The following RNF187 variants were observed in gnomAD, a reference collection of about 807,000 sequenced individuals.
The protein encoded by RNF187 is E3 ubiquitin-protein ligase RNF187.
In RNF187, 18 loss-of-function variants were observed where a neutral mutation model predicts 22.2. The ratio of observed to expected loss-of-function variants is 0.81; its 90% CI spans 0.56 to 1.20. The LOEUF is 1.20. RNF187 is among the 50% of genes most tolerant of loss of function. The probability of loss-of-function intolerance (pLI) is 0.00; values close to 1 mark genes in which losing one functional copy is unlikely to be tolerated. For synonymous variants in RNF187, 164 were observed against 140.9 expected (o/e 1.16, Z -1.16); for missense variants, 329 against 317.6 (o/e 1.04, Z -0.27).
In RNF187 at chr1:228,495,150, C is replaced by T; in HGVS notation, c.*1265C>T. On this transcript the variant is annotated 3_prime_UTR_variant, in exon 4 of 4. Transcript: ENST00000305943. ...GGGCCTGGGGGGAGATGGGGCTCCA[C>T]CCCGACGTAGCAGGGCAGGGGTTGG... 5 of 563,980 alleles carry T rather than the reference C, an allele frequency of 8.9e-6. No individual in the cohort carries two copies. Among genetic ancestry groups the T allele is most frequent in the Non-Finnish European group, 6.7e-6 (3 of 444,976 alleles). The allele number at this position is 563,980 out of a possible 1,614,324, so 34.9% of individuals were successfully genotyped here.
Position 228,494,203 on chromosome 1 carries a change from GC to G in RNF187, c.*322del. 7.5e-7 allele frequency: 1 copy of G among 1,334,752 alleles called. No homozygotes were observed. The highest frequency in any genetic ancestry group is 9.6e-7 in the Non-Finnish European group (1 of 1,043,282). 82.7% of individuals were successfully genotyped at this position (1,334,752 alleles called of 1,614,324 possible). ...CATGCCCTTCCCTGGTCACCCATCT[GC>G]CCCTCACCTCGTCATCCAGGGACCC... is the stretch of plus-strand genomic sequence containing the variant. On this transcript the variant is annotated 3_prime_UTR_variant, in exon 4 of 4. Transcript: ENST00000305943.
chr1:228,487,399 G>C lies in RNF187; in HGVS notation c.-90G>C, dbSNP rs1658856221. ...TCCCCGGCGTTGGCGTCTTCGTCCT[G>C]TTGCTGGTCTCCGTCCGGTCGCCGG... On this transcript the variant is annotated 5_prime_UTR_variant, in exon 1 of 4. Transcript: ENST00000305943. 1 of 1,048,186 alleles carries C rather than the reference G, an allele frequency of 9.5e-7. No homozygotes were observed. Among genetic ancestry groups the C allele is most frequent in the Admixed American group, 5.6e-5 (1 of 17,758 alleles). The allele number at this position is 1,048,186 out of a possible 1,614,324, so 64.9% of individuals were successfully genotyped here. A position where few individuals can be genotyped will look rare whatever the true frequency, so the allele number is the denominator to read the frequency against.
Position 228,493,753 on chromosome 1 carries a change from T to C in RNF187, c.706-130T>C. The C allele has an allele frequency of 1.1e-5, 11 of 1,040,560 alleles. No individual in the cohort carries two copies. The highest frequency in any genetic ancestry group is 1.6e-5 in the Non-Finnish European group (11 of 686,830). 64.5% of individuals were successfully genotyped at this position (1,040,560 alleles called of 1,614,324 possible). A position where few individuals can be genotyped will look rare whatever the true frequency, so the allele number is the denominator to read the frequency against. ...GGGCCAGGCCCTGGGTTTGTTGTGC[T>C]CAGGACAGTACCTCATGCGCTGTCT... On this transcript the variant is annotated intron_variant, in intron 3 of 3. Coordinates refer to ENST00000305943, the MANE Select transcript of RNF187 (RefSeq NM_001010858.3). The surrounding 1 kb of genome is among the most constrained non-coding windows in gnomAD (Gnocchi z 4.7).
At position 228,487,701 on chromosome 1, in the gene RNF187, C is replaced by T; in HGVS notation, c.213C>T (p.Arg71=). 9.4e-7 allele frequency: 1 copy of T among 1,060,056 alleles called. No individual in the cohort carries two copies. The highest frequency in any genetic ancestry group is 4.2e-5 in the South Asian group (1 of 23,598). The allele number at this position is 1,060,056 out of a possible 1,614,324, so 65.7% of individuals were successfully genotyped here. The change falls in exon 1 of 4, where the codon CGC becomes CGT. Residue 71 remains arginine (R), a synonymous_variant. Transcript: ENST00000305943. ...CCGGCAGGCCCCCGCTCAGCCGCCG[C>T]CTTCTGGCGCTCGAGGAGGCGGCCG...
At chr1:228,490,422 T>A in intron 2 of RNF187, among the ~76,000 whole-genome samples, 1 of 152,366 alleles carries the variant, frequency 6.6e-6, no homozygotes, top group African/African-American at 2.4e-5. Context: ...TGGAAGGCTT[T>A]GGGGACCTCC....
intron 1 of RNF187, 111 bp from the exon 2 acceptor site, chr1:228,488,849 C>A: frequency 1.2e-6 from 1 of 847,084 alleles, no homozygotes; most frequent in Non-Finnish European, 1.9e-6. Context: ...GAGGTTATCT[C>A]TGGGATGGTC....
At chr1:228,488,906 G>T in intron 1 of RNF187, 54 bp from the exon 2 acceptor site, 67 of 1,420,422 alleles carry the variant, frequency 4.7e-5, no homozygotes, top group Non-Finnish European at 5.6e-5. Context: ...TACTGGGCTG[G>T]GTTGGGGGAC....
chr1:228,490,491 G>C, intron 2 of RNF187, among the ~76,000 whole-genome samples: 2 of 152,244 alleles, frequency 1.3e-5, no homozygotes, highest in African/African-American at 4.8e-5. Flanking sequence ...GATTTTAGCA[G>C]GTTGGAGCTT....
At chr1:228,487,982 C>A in intron 1 of RNF187, 104 bp downstream of exon 1, 2 of 718,470 alleles carry the variant, frequency 2.8e-6, no homozygotes, top group Non-Finnish European at 1.7e-6. Flanking sequence ...CTCCACTGTT[C>A]CTGTCCCCGG....
At chr1:228,488,871 A>C in intron 1 of RNF187, 89 bp from the exon 2 acceptor site, 1 of 1,012,508 alleles carries the variant, frequency 9.9e-7, no homozygotes. Flanking sequence ...GACTGTGTGC[A>C]GTCAGCTGGG....
Position 228,495,001 on chromosome 1 carries a change from G to C in RNF187, c.*1116G>C. On this transcript the variant is annotated 3_prime_UTR_variant, in exon 4 of 4. Coordinates refer to ENST00000305943, the MANE Select transcript of RNF187 (RefSeq NM_001010858.3). ...TTGCTTCGTCTCCGTGTGTCCACCT[G>C]GCCTCTTCCCCCTGCCCTGGCCACC... The C allele has an allele frequency of 1.0e-6, 1 of 985,628 alleles. No homozygotes were observed. The highest frequency in any genetic ancestry group is 1.7e-5 in the African/African-American group (1 of 57,224). The allele number at this position is 985,628 out of a possible 1,614,324, so 61.1% of individuals were successfully genotyped here. A position where few individuals can be genotyped will look rare whatever the true frequency, so the allele number is the denominator to read the frequency against.
chr1:228,489,645 T>C, intron 2 of RNF187, among the ~76,000 whole-genome samples: 1 of 152,224 alleles, frequency 6.6e-6, no homozygotes, highest in African/African-American at 2.4e-5. Flanking sequence ...GCTCATTATT[T>C]TTTAGAGGCT....
chr1:228,491,397 A>AT, intron 2 of RNF187, among the ~76,000 whole-genome samples: 2 of 150,200 alleles, frequency 1.3e-5, no homozygotes, highest in Non-Finnish European at 3.0e-5. Flanking sequence ...CAAAAAAAAA[A>AT]AAAAAAAAAA....
chr1:228,490,026 A>T, intron 2 of RNF187, among the ~76,000 whole-genome samples: 1 of 151,770 alleles, frequency 6.6e-6, no homozygotes, highest in African/African-American at 2.4e-5. Flanking sequence ...AGTCGTTTAA[A>T]CTCTATTTGG....
At position 228,494,124 on chromosome 1, in the gene RNF187, C is replaced by G; in HGVS notation, c.*239C>G. On this transcript the variant is annotated 3_prime_UTR_variant, in exon 4 of 4. Coordinates refer to ENST00000305943, the MANE Select transcript of RNF187 (RefSeq NM_001010858.3). ...GGACCCTTCCCACCTGTGCCCGTCCCTTCCTGAAGTCCTAGCCACAGCCCA... is the reference window on the plus strand; with the variant it reads ...GGACCCTTCCCACCTGTGCCCGTCCGTTCCTGAAGTCCTAGCCACAGCCCA... 4.3e-5 allele frequency: 62 copies of G among 1,435,258 alleles called. 2 individuals are homozygous for G. The South Asian group carries it at 7.6e-4, about 18-fold the overall frequency. 88.9% of individuals were successfully genotyped at this position (1,435,258 alleles called of 1,614,324 possible).
chr1:228,494,475 C>T lies in RNF187; in HGVS notation c.*590C>T. The T allele has an allele frequency of 3.0e-6, 3 of 987,408 alleles. No homozygotes were observed. Among genetic ancestry groups the T allele is most frequent in the Non-Finnish European group, 3.6e-6 (3 of 831,146 alleles). The allele number at this position is 987,408 out of a possible 1,614,324, so 61.2% of individuals were successfully genotyped here. A position where few individuals can be genotyped will look rare whatever the true frequency, so the allele number is the denominator to read the frequency against. On this transcript the variant is annotated 3_prime_UTR_variant, in exon 4 of 4. Coordinates refer to ENST00000305943, the MANE Select transcript of RNF187 (RefSeq NM_001010858.3). ...GCCTTATCCAAGTCGCTCTGTCCAC[C>T]TCCCCCTTCCTGGCCCCCACCCCAC...
At position 228,494,210 on chromosome 1, in the gene RNF187, A is replaced by G; in HGVS notation, c.*325A>G. 1 of 1,303,888 alleles carries G rather than the reference A, an allele frequency of 7.7e-7. No homozygotes were observed. The highest frequency in any genetic ancestry group is 9.8e-7 in the Non-Finnish European group (1 of 1,025,096). The allele number at this position is 1,303,888 out of a possible 1,614,324, so 80.8% of individuals were successfully genotyped here. A position where few individuals can be genotyped will look rare whatever the true frequency, so the allele number is the denominator to read the frequency against. On this transcript the variant is annotated 3_prime_UTR_variant, in exon 4 of 4. Transcript: ENST00000305943. ...TTCCCTGGTCACCCATCTGCCCCTC[A>G]CCTCGTCATCCAGGGACCCAGACCC...
chr1:228,494,639 C>T lies in RNF187; in HGVS notation c.*754C>T. 12 of 985,650 alleles carry T rather than the reference C, an allele frequency of 1.2e-5. No individual in the cohort carries two copies. The East Asian group carries it at 1.3e-3, about 103-fold the overall frequency. 61.1% of individuals were successfully genotyped at this position (985,650 alleles called of 1,614,324 possible). A position where few individuals can be genotyped will look rare whatever the true frequency, so the allele number is the denominator to read the frequency against. ...TCCAGGCCCTGCCATCGTGTCTCAT[C>T]TTGCTGTTATCTCTAGCTCTTTCCC... is the stretch of plus-strand genomic sequence containing the variant. On this transcript the variant is annotated 3_prime_UTR_variant, in exon 4 of 4. Transcript: ENST00000305943.
rs1183115464 is a variant in RNF187 at position 228,487,850 on chromosome 1, C to G, written c.362C>G (p.Pro121Arg). The G allele has an allele frequency of 8.1e-7, 1 of 1,230,766 alleles. No individual in the cohort carries two copies. The highest frequency in any genetic ancestry group is 4.2e-5 in the Admixed American group (1 of 23,946). The allele number at this position is 1,230,766 out of a possible 1,614,324, so 76.2% of individuals were successfully genotyped here. The change falls in exon 1 of 4, where the codon CCG (proline) becomes CGG (arginine). Residue 121 changes from proline to arginine, a missense_variant. Physicochemically the swap from Pro to Arg is moderately radical, Grantham distance 103. Coordinates refer to ENST00000305943, the MANE Select transcript of RNF187 (RefSeq NM_001010858.3). The stretch of plus-strand genomic sequence containing the variant: ...GGCCCCGAGCCGCCCGAGTGGGAAC[C>G]GCGCTGGAGGAAGGCGCTGCGCGGC...
Sources: gnomAD v4.1 joint callset for allele counts (sites outside exome capture counted in the v4.1 genomes callset) on GRCh38, gnomAD v4.1.1 for gene constraint, Gnocchi (gnomAD v3.1) non-coding constraint, MANE v1.5 for transcripts, NCBI Gene and HGNC (gene_info 2026-07-23, HGNC 2026-07-21) for gene names.